The following CPEB4 variants were observed in gnomAD, a reference collection of about 807,000 sequenced individuals.
The protein encoded by CPEB4 is cytoplasmic polyadenylation element binding protein 4, also known as cytoplasmic polyadenylation element-binding protein 4.
CPEB4 carries 12 observed loss-of-function variants against 72.5 expected under a neutral mutation model. The observed-to-expected ratio is 0.17, with a 90% CI of 0.11 to 0.27. CPEB4 has a LOEUF of 0.27. CPEB4 is among the 10% of genes least tolerant of loss of function. The pLI is 1.00. For missense variants in CPEB4, 614 were observed against 908.5 expected, an observed-to-expected ratio of 0.68 and a Z score of 4.17; for synonymous variants, 302 against 326.3, an observed-to-expected ratio of 0.93 and a Z score of 0.80.
At position 173,959,727 on chromosome 5, in the gene CPEB4, G is replaced by A. The variant is rs940033875; in HGVS notation, c.*3590G>A. The A allele has an allele frequency of 3.3e-5, 5 of 152,460 alleles. No homozygotes were observed. Among genetic ancestry groups the A allele is most frequent in the Non-Finnish European group, 7.4e-5 (5 of 67,996 alleles). 9.4% of individuals were successfully genotyped at this position (152,460 alleles called of 1,614,324 possible). On this transcript the variant is annotated 3_prime_UTR_variant, in exon 10 of 10. Coordinates refer to ENST00000265085, the MANE Select transcript of CPEB4 (RefSeq NM_030627.4). ...TTATTTTTAAAAATGGAATAAAAGA[G>A]GTTTTGGTCATTTGCTTTATTTTAT...
chr5:173,888,564 C>A lies in CPEB4; in HGVS notation c.-1170C>A. The A allele has an allele frequency of 2.5e-6, 1 of 402,602 alleles. No homozygotes were observed. Among genetic ancestry groups the A allele is most frequent in the Non-Finnish European group, 4.4e-6 (1 of 228,866 alleles). 24.9% of individuals were successfully genotyped at this position (402,602 alleles called of 1,614,324 possible). ...GCGACGGCGGCGACGGCCCAGCAAC[C>A]GTGAGGAGAAACAAAAGCCTTCTAA... On this transcript the variant is annotated 5_prime_UTR_variant, in exon 1 of 10. Transcript: ENST00000265085. The surrounding 1 kb of genome is among the most constrained non-coding windows in gnomAD (Gnocchi z 4.3).
At chr5:173,898,708 A>G (rs1396961307) in intron 1 of CPEB4, among the ~76,000 whole-genome samples, 2 of 152,356 alleles carry the variant, frequency 1.3e-5, no homozygotes, top group East Asian at 1.9e-4. Flanking sequence ...ACAAGGTCTC[A>G]TTCTGTTGCC....
intron 2 of CPEB4, among the ~76,000 whole-genome samples, chr5:173,926,709 A>G (rs1469949700): frequency 6.6e-6 from 1 of 152,216 alleles, no homozygotes; most frequent in Admixed American, 6.5e-5. Context: ...AGTATTTTTT[A>G]TATTTATAAC....
rs1581175260 is a variant in CPEB4 at position 173,956,869 on chromosome 5, T to G, written c.*732T>G. The G allele has an allele frequency of 6.6e-6, 1 of 152,554 alleles. No individual in the cohort carries two copies. The highest frequency in any genetic ancestry group is 1.5e-5 in the Non-Finnish European group (1 of 68,018). 9.5% of individuals were successfully genotyped at this position (152,554 alleles called of 1,614,324 possible). ...TAGGCAGAGCTAGGTTTATTTTCTC[T>G]TAAACAATTTTTAAAATTCAGAATG... On this transcript the variant is annotated 3_prime_UTR_variant, in exon 10 of 10. Transcript: ENST00000265085.
At position 173,955,110 on chromosome 5, in the gene CPEB4, T is replaced by A. The variant is rs1292358479; in HGVS notation, c.1963-800T>A. Among the ~76,000 whole-genome samples, 2 of 152,060 alleles carry A rather than the reference T, an allele frequency of 1.3e-5. No individual in the cohort carries two copies. Among genetic ancestry groups the A allele is most frequent in the African/African-American group, 4.8e-5 (2 of 41,392 alleles). On this transcript the variant is annotated intron_variant, in intron 9 of 9. Coordinates refer to ENST00000265085, the MANE Select transcript of CPEB4 (RefSeq NM_030627.4). The surrounding 1 kb of genome is among the most constrained non-coding windows in gnomAD (Gnocchi z 4.7). Reference sequence around the variant, plus strand: ...CTGGTGACAGCCTGCTGTAAGGGAGTTTCAGCCATGAATCTCTCCAGACTA... The same window carrying A: ...CTGGTGACAGCCTGCTGTAAGGGAGATTCAGCCATGAATCTCTCCAGACTA...
At chr5:173,915,309 C>T (rs1446965275) in intron 2 of CPEB4, among the ~76,000 whole-genome samples, 2 of 151,880 alleles carry the variant, frequency 1.3e-5, no homozygotes. Context: ...TTTTTTATAA[C>T]TTATTTTTAA....
chr5:173,941,550 T>G (rs1407119249), intron 3 of CPEB4, among the ~76,000 whole-genome samples: 6 of 152,198 alleles, frequency 3.9e-5, no homozygotes, highest in Non-Finnish European at 8.8e-5. Flanking sequence ...TTGACCAGTT[T>G]GTGAGTTTGT....
intron 4 of CPEB4, 111 bp downstream of exon 4, chr5:173,943,160 T>TG: frequency 9.5e-7 from 1 of 1,051,504 alleles, no homozygotes; most frequent in South Asian, 1.6e-5. Context: ...AGCATAGCTT[T>TG]GATCCTTAGG....
rs938177968 is a variant in CPEB4 at position 173,961,672 on chromosome 5, G to A, written c.*5535G>A. On this transcript the variant is annotated 3_prime_UTR_variant, in exon 10 of 10. Transcript: ENST00000265085. ...TTCATAACCCCTTTTGGTAATGGGT[G>A]TTTGTGTCCACAGCTAGATCAGAAA... The A allele has an allele frequency of 6.6e-6, 1 of 150,886 alleles. No individual in the cohort carries two copies. The highest frequency in any genetic ancestry group is 2.4e-5 in the African/African-American group (1 of 41,152). The allele number at this position is 150,886 out of a possible 1,614,324, so 9.3% of individuals were successfully genotyped here. A position where few individuals can be genotyped will look rare whatever the true frequency, so the allele number is the denominator to read the frequency against.
At chr5:173,903,669 T>C (rs1344411868) in intron 1 of CPEB4, among the ~76,000 whole-genome samples, 3 of 152,200 alleles carry the variant, frequency 2.0e-5, no homozygotes, top group African/African-American at 4.8e-5. Context: ...AATGATTATT[T>C]TGGTCTGTGG....
rs1758478067 is a variant in CPEB4 at position 173,959,376 on chromosome 5, A to C, written c.*3239A>C. The C allele has an allele frequency of 6.5e-6, 1 of 152,806 alleles. No homozygotes were observed. The highest frequency in any genetic ancestry group is 6.5e-5 in the Admixed American group (1 of 15,282). The allele number at this position is 152,806 out of a possible 1,614,324, so 9.5% of individuals were successfully genotyped here. ...CATACACAGACCTCTGCAGAATGCA[A>C]AATAAAACTTGCAGTGAATGAATTT... On this transcript the variant is annotated 3_prime_UTR_variant, in exon 10 of 10. Transcript: ENST00000265085.
rs951222443 is a variant in CPEB4, at chr5:173,890,851, C to T, written c.1118C>T (p.Pro373Leu). 1 of 1,606,970 alleles carries T rather than the reference C, an allele frequency of 6.2e-7. No homozygotes were observed. Among genetic ancestry groups the T allele is most frequent in the African/African-American group, 1.3e-5 (1 of 74,800 alleles). The change falls in exon 1 of 10, where the codon CCT becomes CTT. Residue 373 changes from proline (P) to leucine (L), a missense_variant. Around this residue, in one of 5 missense-constraint regions of CPEB4, gnomAD observed 458 missense variants for 548.6 expected, o/e 0.83. Transcript: ENST00000265085. ...DSLNRADNIF[P>L]FPDRPRTFDM... ...TTGAACAGGGCTGACAACATTTTTC[C>T]TTTTCCGGTAAGATTATGTTCCATT...
Position 173,914,822 on chromosome 5 carries a change from G to GA in CPEB4, c.1207+4227dup, listed in dbSNP as rs199554421. Reference sequence around the variant, plus strand: ...TTAGTAGAGAACAGTATACCACTCAGAAAAAAAAATTAAAAGATTTGATTG... The same window carrying GA: ...TTAGTAGAGAACAGTATACCACTCAGAAAAAAAAAATTAAAAGATTTGATTG... On this transcript the variant is annotated intron_variant, in intron 2 of 9. Coordinates refer to ENST00000265085, the MANE Select transcript of CPEB4 (RefSeq NM_030627.4). Among the ~76,000 whole-genome samples, 3 of 150,948 alleles carry GA rather than the reference G, an allele frequency of 2.0e-5. No homozygotes were observed. In the East Asian group the frequency reaches 5.8e-4, roughly 29 times the overall value.
intron 5 of CPEB4, 40 bp downstream of exon 5, chr5:173,945,180 G>A: frequency 3.9e-6 from 6 of 1,548,906 alleles, no homozygotes; most frequent in Non-Finnish European, 4.4e-6. Flanking sequence ...CCCAGATGGT[G>A]GCACATAGTA....
intron 3 of CPEB4, among the ~76,000 whole-genome samples, chr5:173,937,777 G>T (rs1265604785): frequency 6.6e-6 from 1 of 152,112 alleles, no homozygotes; most frequent in African/African-American, 2.4e-5. Context: ...GAGGGTTAGG[G>T]ACATAAGGAA....
At chr5:173,895,006 A>G (rs2113124482) in intron 1 of CPEB4, among the ~76,000 whole-genome samples, 2 of 152,304 alleles carry the variant, frequency 1.3e-5, no homozygotes, top group South Asian at 4.1e-4. Flanking sequence ...TTTGTTTTAA[A>G]TTTTGAGCAC....
chr5:173,905,419 C>T (rs1485597624), intron 1 of CPEB4, among the ~76,000 whole-genome samples: 2 of 151,968 alleles, frequency 1.3e-5, no homozygotes, highest in East Asian at 1.9e-4. Flanking sequence ...ACTGCAACCC[C>T]GCCTCCCAGG....
chr5:173,941,160 A>G (rs574044268), intron 3 of CPEB4, among the ~76,000 whole-genome samples: 38 of 152,354 alleles, frequency 2.5e-4, no homozygotes, highest in African/African-American at 8.2e-4. Context: ...GATTGACAGC[A>G]TTAAGATTTT....
At chr5:173,938,256 C>T (rs1199572353) in intron 3 of CPEB4, among the ~76,000 whole-genome samples, 4 of 152,130 alleles carry the variant, frequency 2.6e-5, no homozygotes, top group Non-Finnish European at 4.4e-5. Flanking sequence ...GACGGAATCT[C>T]GCTCTGTTGC....
Sources: gnomAD v4.1 joint callset for allele counts (sites outside exome capture counted in the v4.1 genomes callset) on GRCh38, gnomAD v4.1.1 for gene constraint, gnomAD v4.1.1 regional missense constraint, Gnocchi (gnomAD v3.1) non-coding constraint, MANE v1.5 for transcripts, NCBI Gene and HGNC (gene_info 2026-07-23, HGNC 2026-07-21) for gene names.